The following CLOCK variants were observed in gnomAD, a reference collection of about 807,000 sequenced individuals.
CLOCK encodes the protein clock circadian regulator.
In CLOCK, 43 loss-of-function variants were observed where a neutral mutation model predicts 118.4. The observed-to-expected ratio is 0.36, with a 90% CI of 0.28 to 0.47. CLOCK has a LOEUF of 0.47. Ranked by LOEUF, CLOCK falls within the 20% of genes least tolerant of loss-of-function variation. The probability of loss-of-function intolerance (pLI) is 1.00; values close to 1 mark genes in which losing one functional copy is unlikely to be tolerated. For synonymous variants in CLOCK, 326 were observed against 339.2 expected (o/e 0.96, Z 0.43); for missense variants, 846 against 999.9 (o/e 0.85, Z 2.08).
chr4:55,518,050 G>C (rs1179046619), intron 1 of CLOCK, among the ~76,000 whole-genome samples: 1 of 152,148 alleles, frequency 6.6e-6, no homozygotes, highest in African/African-American at 2.4e-5. Context: ...ATGTGTGTAT[G>C]AGTGTACTAG....
At chr4:55,480,579 G>A (rs1726848343) in intron 4 of CLOCK, among the ~76,000 whole-genome samples, 1 of 152,118 alleles carries the variant, frequency 6.6e-6, no homozygotes, top group Admixed American at 6.5e-5. Context: ...TTTTCTAGTA[G>A]ATAGAAACAA....
In CLOCK at chr4:55,429,505, T is replaced by C. The variant is rs1023673338; in HGVS notation, c.*5910A>G. The C allele has an allele frequency of 1.3e-5, 2 of 152,152 alleles. No individual in the cohort carries two copies. The highest frequency in any genetic ancestry group is 4.8e-5 in the African/African-American group (2 of 41,380). 9.4% of individuals were successfully genotyped at this position (152,152 alleles called of 1,614,324 possible). ...TTTTGTTTTCAAAGGACCAAGTAAC[T>C]TGACACCATATTAAAGACAGCAAAC... On this transcript the variant is annotated 3_prime_UTR_variant, in exon 23 of 23. Transcript: ENST00000513440.
chr4:55,475,877 T>G (rs372200982), intron 7 of CLOCK, 86 bp downstream of exon 7: 1 of 858,454 alleles, frequency 1.2e-6, no homozygotes, highest in Non-Finnish European at 1.9e-6. Flanking sequence ...ACTCGCAATA[T>G]CGCCAAGGTA....
intron 1 of CLOCK, among the ~76,000 whole-genome samples, chr4:55,518,921 C>A (rs1729683340): frequency 2.6e-5 from 4 of 152,130 alleles, no homozygotes; most frequent in Admixed American, 2.6e-4. Context: ...CAATGAGTAC[C>A]CTCATGTCAA....
At chr4:55,523,506 C>G (rs1330665158) in intron 1 of CLOCK, among the ~76,000 whole-genome samples, 1 of 152,078 alleles carries the variant, frequency 6.6e-6, no homozygotes, top group Non-Finnish European at 1.5e-5. Flanking sequence ...AAAATTGACA[C>G]TGAAAAATTA....
chr4:55,504,331 A>C (rs1728660383), intron 2 of CLOCK, among the ~76,000 whole-genome samples: 1 of 151,298 alleles, frequency 6.6e-6, no homozygotes, highest in South Asian at 2.1e-4. Flanking sequence ...TTCACATCTA[A>C]GCTTAGTTTT....
In CLOCK at chr4:55,468,160, G is replaced by A. The variant is rs368104887; in HGVS notation, c.438+2557C>T. On this transcript the variant is annotated intron_variant, in intron 8 of 22. Coordinates refer to ENST00000513440, the MANE Select transcript of CLOCK (RefSeq NM_004898.4). ...TTTTGTAGAGACAGGATGCTTCACT[G>A]TGCTGCCCAGGCTGGTCTTGAATTC... Among the ~76,000 whole-genome samples the A allele has an allele frequency of 1.8e-4, 27 of 152,126 alleles. 1 individual carries two copies. The East Asian group carries it at 4.6e-3, about 26-fold the overall frequency.
Position 55,428,447 on chromosome 4 carries a change from C to T in CLOCK, c.*6968G>A, listed in dbSNP as rs1440275132. On this transcript the variant is annotated 3_prime_UTR_variant, in exon 23 of 23. Coordinates refer to ENST00000513440, the MANE Select transcript of CLOCK (RefSeq NM_004898.4). ...CTAATATAGCACCGTTGAAACCATTCATTATCCTTCATGTGTGTATGCAAT... is the reference window on the plus strand; with the variant it reads ...CTAATATAGCACCGTTGAAACCATTTATTATCCTTCATGTGTGTATGCAAT... 6.6e-6 allele frequency: 1 copy of T among 152,204 alleles called. No homozygotes were observed. The highest frequency in any genetic ancestry group is 1.5e-5 in the Non-Finnish European group (1 of 68,038). 9.4% of individuals were successfully genotyped at this position (152,204 alleles called of 1,614,324 possible).
chr4:55,536,958 C>A (rs574603359), intron 1 of CLOCK, among the ~76,000 whole-genome samples: 1 of 152,062 alleles, frequency 6.6e-6, no homozygotes, highest in Non-Finnish European at 1.5e-5. Flanking sequence ...TTCAACTGCA[C>A]ATGAAGAACA....
At chr4:55,480,012 AAGTC>A (rs1245979721) in intron 4 of CLOCK, among the ~76,000 whole-genome samples, 1 of 152,202 alleles carries the variant, frequency 6.6e-6, no homozygotes, top group Non-Finnish European at 1.5e-5. Flanking sequence ...AACGTATAGA[AAGTC>A]AGTGTTTGCC....
At chr4:55,496,074 A>C (rs1049784423) in intron 2 of CLOCK, among the ~76,000 whole-genome samples, 1 of 151,988 alleles carries the variant, frequency 6.6e-6, no homozygotes, top group African/African-American at 2.4e-5. Flanking sequence ...CTGTAATCCC[A>C]ACTACTTGGG....
At chr4:55,492,090 G>GA (rs1454268374) in intron 2 of CLOCK, among the ~76,000 whole-genome samples, 2 of 151,898 alleles carry the variant, frequency 1.3e-5, no homozygotes, top group African/African-American at 2.4e-5. Context: ...GACACCATAA[G>GA]AAAAAAACTA....
At chr4:55,451,706 T>C (rs1373141038) in intron 15 of CLOCK, among the ~76,000 whole-genome samples, 1 of 152,210 alleles carries the variant, frequency 6.6e-6, no homozygotes, top group African/African-American at 2.4e-5. Flanking sequence ...TTACTTCAGT[T>C]TTCATAATGG....
intron 1 of CLOCK, among the ~76,000 whole-genome samples, chr4:55,543,091 A>G (rs545424927): frequency 6.6e-6 from 1 of 152,234 alleles, no homozygotes; most frequent in African/African-American, 2.4e-5. Context: ...TTTTTTTAAA[A>G]AAATTTTGTA....
chr4:55,455,247 G>A (rs958383665), intron 13 of CLOCK, among the ~76,000 whole-genome samples: 8 of 152,106 alleles, frequency 5.3e-5, no homozygotes, highest in African/African-American at 1.9e-4. Context: ...AAATACATGT[G>A]ATAAAAAGAG....
intron 2 of CLOCK, among the ~76,000 whole-genome samples, chr4:55,509,150 G>A (rs1288443992): frequency 2.0e-5 from 3 of 152,186 alleles, no homozygotes; most frequent in Non-Finnish European, 2.9e-5. Flanking sequence ...TGATGGCCAT[G>A]ATGTTACCAG....
intron 9 of CLOCK, among the ~76,000 whole-genome samples, chr4:55,460,759 T>C (rs562502299): frequency 1.3e-5 from 2 of 152,328 alleles, no homozygotes; most frequent in South Asian, 2.1e-4. Flanking sequence ...TTCAAGCTTA[T>C]ATTCTTCGGT....
chr4:55,524,858 C>A (rs909578248), intron 1 of CLOCK, among the ~76,000 whole-genome samples: 2 of 151,828 alleles, frequency 1.3e-5, no homozygotes, highest in Non-Finnish European at 2.9e-5. Context: ...AAGCTGAAAG[C>A]GGCCTACAAT....
intron 2 of CLOCK, among the ~76,000 whole-genome samples, chr4:55,490,575 G>A (rs911845411): frequency 2.6e-5 from 4 of 152,032 alleles, no homozygotes; most frequent in African/African-American, 7.2e-5. Flanking sequence ...ACCAAAATCT[G>A]CAGATGCTTA....
Sources: allele counts gnomAD v4.1 joint callset (sites outside exome capture counted in the v4.1 genomes callset), GRCh38; gene constraint gnomAD v4.1.1; transcripts MANE v1.5; gene names NCBI Gene and HGNC (gene_info 2026-07-23, HGNC 2026-07-21).